Variants in TANC2 observed in about 807,000 individuals in gnomAD.
The protein encoded by TANC2 is tetratricopeptide repeat, ankyrin repeat and coiled-coil containing 2.
A neutral mutation model predicts 210.5 loss-of-function variants in TANC2; 26 were observed. The ratio of observed to expected loss-of-function variants is 0.12; its 90% CI spans 0.09 to 0.17. The LOEUF is 0.17. Among genes scored for constraint, TANC2 ranks in the 10% least tolerant of loss-of-function variants. TANC2 has a pLI of 1.00. For synonymous variants in TANC2, 931 were observed against 967.1 expected, an observed-to-expected ratio of 0.96 and a Z score of 0.69; for missense variants, 2,129 against 2,608.9, an observed-to-expected ratio of 0.82 and a Z score of 4.01.
intron 9 of TANC2, among the ~76,000 whole-genome samples, chr17:63,310,816 A>G (rs1321877742): frequency 6.6e-6 from 1 of 152,216 alleles, no homozygotes; most frequent in Non-Finnish European, 1.5e-5. Flanking sequence ...ACTGAGAGGG[A>G]TATGGTCATT....
At chr17:63,237,685 C>A in intron 7 of TANC2, 129 bp from the exon 8 acceptor site, 1 of 902,886 alleles carries the variant, frequency 1.1e-6, no homozygotes, top group Non-Finnish European at 1.6e-6. Flanking sequence ...ATATGGCAAT[C>A]CAGTTTTTCT....
chr17:62,966,823 C>G lies in TANC2; in HGVS notation c.-24+74C>G, dbSNP rs1310541139. On this transcript the variant is annotated intron_variant, in intron 1 of 27. Transcript: ENST00000689528. This position sits in a 1 kb window ranked among gnomAD's most constrained non-coding sequence, Gnocchi z 5.1. ...GTCGTTCGCCTCCACAGCCTCGGCT[C>G]CGGGGAGAGGGGCGGGGGCGAGCGG... 2 of 152,014 alleles carry G rather than the reference C, an allele frequency of 1.3e-5. No individual in the cohort carries two copies. The highest frequency in any genetic ancestry group is 1.3e-4 in the Admixed American group (2 of 15,248). The allele number at this position is 152,014 out of a possible 1,614,324, so 9.4% of individuals were successfully genotyped here. A position where few individuals can be genotyped will look rare whatever the true frequency, so the allele number is the denominator to read the frequency against.
chr17:63,414,870 G>A (rs1432092211), intron 25 of TANC2, among the ~76,000 whole-genome samples: 1 of 152,176 alleles, frequency 6.6e-6, no homozygotes, highest in African/African-American at 2.4e-5. Flanking sequence ...CTCTAAATTG[G>A]TCATAGATTT....
intron 14 of TANC2, among the ~76,000 whole-genome samples, chr17:63,376,108 C>G (rs2047416009): frequency 6.6e-6 from 1 of 151,490 alleles, no homozygotes; most frequent in Admixed American, 6.6e-5. Flanking sequence ...AATAAAATAA[C>G]CTATCACCTA....
intron 4 of TANC2, among the ~76,000 whole-genome samples, chr17:63,132,626 C>G (rs950414645): frequency 1.3e-5 from 2 of 152,186 alleles, no homozygotes; most frequent in African/African-American, 2.4e-5. Flanking sequence ...TTCTTATCTT[C>G]CCTCTTCTCT....
At chr17:63,413,495 C>G (rs370612186) in intron 24 of TANC2, 48 bp from the exon 25 acceptor site, 450 of 1,484,380 alleles carry the variant, frequency 3.0e-4, no homozygotes, top group Non-Finnish European at 3.9e-4. Context: ...TCCTACCACC[C>G]TTACATTGTA....
intron 7 of TANC2, among the ~76,000 whole-genome samples, chr17:63,214,647 T>C (rs1318070991): frequency 2.0e-5 from 3 of 152,328 alleles, no homozygotes; most frequent in Non-Finnish European, 1.5e-5. Context: ...ACATGCTTCC[T>C]CAGGCCTGTT....
intron 1 of TANC2, among the ~76,000 whole-genome samples, chr17:62,969,965 A>G (rs188321097): frequency 4.6e-4 from 70 of 152,326 alleles, no homozygotes; most frequent in South Asian, 1.2e-3. Context: ...ACATTGTTTT[A>G]TAAGATATTG....
At chr17:63,094,909 G>T (rs2037332046) in intron 3 of TANC2, among the ~76,000 whole-genome samples, 1 of 147,476 alleles carries the variant, frequency 6.8e-6, no homozygotes, top group Admixed American at 6.7e-5. Flanking sequence ...ACTGAAGCAG[G>T]AAAAGAAAAG....
At chr17:63,051,932 C>T (rs1226165855) in intron 2 of TANC2, among the ~76,000 whole-genome samples, 3 of 152,106 alleles carry the variant, frequency 2.0e-5, no homozygotes, top group Admixed American at 6.6e-5. Flanking sequence ...ATGATATCTT[C>T]TACTTACAAT....
chr17:63,173,947 A>G (rs556655647), intron 5 of TANC2, among the ~76,000 whole-genome samples: 56 of 152,348 alleles, frequency 3.7e-4, no homozygotes, highest in Admixed American at 7.2e-4. Context: ...CTGGAACAAT[A>G]GCTACTATAA....
chr17:63,259,561 C>T (rs915657761), intron 8 of TANC2, among the ~76,000 whole-genome samples: 2 of 152,156 alleles, frequency 1.3e-5, no homozygotes, highest in Non-Finnish European at 2.9e-5. Context: ...CATTTTGCTG[C>T]ACTCCATTTT....
At chr17:63,251,981 A>G (rs184126565) in intron 8 of TANC2, among the ~76,000 whole-genome samples, 87 of 152,324 alleles carry the variant, frequency 5.7e-4, no homozygotes, top group African/African-American at 2.1e-3. Flanking sequence ...TGTTAAAACC[A>G]CACTAAACAT....
intron 14 of TANC2, among the ~76,000 whole-genome samples, chr17:63,357,311 A>T (rs2046808566): frequency 6.6e-6 from 1 of 152,198 alleles, no homozygotes; most frequent in African/African-American, 2.4e-5. Context: ...CAACAGATGA[A>T]ATCCTCAGGG....
At chr17:63,098,467 CACACACACACACAT>C (rs1365205681) in intron 3 of TANC2, among the ~76,000 whole-genome samples, 2 of 38,362 alleles carry the variant, frequency 5.2e-5, no homozygotes, top group African/African-American at 3.7e-4. Context: ...CACACACACA[CACACACACACACAT>C]ACACTCTCTC....
intron 14 of TANC2, among the ~76,000 whole-genome samples, chr17:63,358,018 C>A (rs546957850): frequency 1.9e-4 from 29 of 152,262 alleles, no homozygotes; most frequent in Non-Finnish European, 2.8e-4. Context: ...GGCAACACAA[C>A]ATTCTTACCC....
intron 14 of TANC2, among the ~76,000 whole-genome samples, chr17:63,361,560 G>A (rs752749820): frequency 1.1e-4 from 17 of 152,242 alleles, no homozygotes; most frequent in East Asian, 5.8e-4. Flanking sequence ...AGGGGAATGC[G>A]GTGGCACCTG....
intron 12 of TANC2, among the ~76,000 whole-genome samples, chr17:63,348,741 A>T (rs2046496550): frequency 6.6e-6 from 1 of 152,108 alleles, no homozygotes; most frequent in Non-Finnish European, 1.5e-5. Context: ...TTTATTTGTA[A>T]ATTTTTTTTA....
At chr17:63,322,086 G>A (rs377386329) in intron 11 of TANC2, among the ~76,000 whole-genome samples, 20 of 152,276 alleles carry the variant, frequency 1.3e-4, no homozygotes, top group African/African-American at 4.8e-4. Context: ...CTACTCAGTA[G>A]TACATCCTCA....
Sources: gnomAD v4.1 joint callset for allele counts (sites outside exome capture counted in the v4.1 genomes callset) on GRCh38, gnomAD v4.1.1 for gene constraint, Gnocchi (gnomAD v3.1) non-coding constraint, MANE v1.5 for transcripts, NCBI Gene and HGNC (gene_info 2026-07-23, HGNC 2026-07-21) for gene names.